TWIST2: variants seen among roughly 807,000 people sequenced by gnomAD.
TWIST2 encodes twist family bHLH transcription factor 2.
In TWIST2, 1 loss-of-function variant was observed where a neutral mutation model predicts 11.6. The ratio of observed to expected loss-of-function variants is 0.09; its 90% CI spans 0.03 to 0.41. TWIST2 has a LOEUF of 0.41. Ranked by LOEUF, TWIST2 falls within the 10% of genes least tolerant of loss-of-function variation. TWIST2 has a pLI of 0.98. For missense variants in TWIST2, 168 were observed against 226.4 expected (o/e 0.74, Z 1.66); for synonymous variants, 87 against 96.6 (o/e 0.90, Z 0.58).
intron 1 of TWIST2, among the ~76,000 whole-genome samples, chr2:238,905,842 TGTGTGTGTGTGTGC>T (rs1181114201): frequency 1.3e-4 from 14 of 108,954 alleles, no homozygotes; most frequent in East Asian, 2.2e-4. Flanking sequence ...TTGAAAAAAG[TGTGTGTGTGTGTGC>T]GTGTGTGTGC....
intron 1 of TWIST2, among the ~76,000 whole-genome samples, chr2:238,851,872 T>C (rs560647498): frequency 3.3e-5 from 5 of 152,366 alleles, no homozygotes; most frequent in African/African-American, 1.2e-4. Flanking sequence ...TTTGACCTGT[T>C]AATGTGGGTC....
chr2:238,868,242 C>T (rs1359625737), intron 1 of TWIST2, among the ~76,000 whole-genome samples: 2 of 152,172 alleles, frequency 1.3e-5, no homozygotes, highest in African/African-American at 4.8e-5. Context: ...TCGTCTAGTA[C>T]AGCCCCTGGG....
At chr2:238,895,057 G>A (rs1264400219) in intron 1 of TWIST2, among the ~76,000 whole-genome samples, 5 of 152,198 alleles carry the variant, frequency 3.3e-5, no homozygotes, top group Non-Finnish European at 7.3e-5. Context: ...CAGAGCGCCC[G>A]ACACCGGCAG....
At position 238,867,409 on chromosome 2, in the gene TWIST2, A is replaced by ACACACACACACACACACACACACACACC. The variant is rs1692562798; in HGVS notation, c.*35+18679_*35+18680insACACACACACACACACACACACACCCAC. ...CACACACACACACACACACACACAC[A>ACACACACACACACACACACACACACACC]CACTCCTCAGTAAAATACCCAGTTC... On this transcript the variant is annotated intron_variant, in intron 1 of 1. Transcript: ENST00000612363. The surrounding 1 kb of genome is among the most constrained non-coding windows in gnomAD (Gnocchi z 4.8). Among the ~76,000 whole-genome samples the ACACACACACACACACACACACACACACC allele has an allele frequency of 6.7e-6, 1 of 149,238 alleles. No individual in the cohort carries two copies. Among genetic ancestry groups the ACACACACACACACACACACACACACACC allele is most frequent in the Non-Finnish European group, 1.5e-5 (1 of 66,908 alleles).
At position 238,896,508 on chromosome 2, in the gene TWIST2, A is replaced by G. The variant is rs1454329315; in HGVS notation, c.*36-13334A>G. Reference sequence around the variant, plus strand: ...GTGGGGTGGGGTGTGACTTATCCCAAGTCACCAGCTGGCTCCCTAATATCA... The same window carrying G: ...GTGGGGTGGGGTGTGACTTATCCCAGGTCACCAGCTGGCTCCCTAATATCA... On this transcript the variant is annotated intron_variant, in intron 1 of 1. Coordinates refer to ENST00000612363, the MANE Select transcript of TWIST2 (RefSeq NM_001271893.4). Among the ~76,000 whole-genome samples, 314 of 152,238 alleles carry G rather than the reference A, an allele frequency of 2.1e-3. 4 individuals carry two copies. Among genetic ancestry groups the G allele is most frequent in the Non-Finnish European group, 3.4e-4 (23 of 67,998 alleles).
chr2:238,881,163 TTA>T (rs1323122909), intron 1 of TWIST2, among the ~76,000 whole-genome samples: 4 of 113,044 alleles, frequency 3.5e-5, no homozygotes, highest in African/African-American at 1.5e-4. Flanking sequence ...AGTATTAGTG[TTA>T]TGTTAGTATT....
chr2:238,902,763 G>A (rs1395139129), intron 1 of TWIST2, among the ~76,000 whole-genome samples: 33 of 143,602 alleles, frequency 2.3e-4, no homozygotes, highest in Admixed American at 6.9e-4. Flanking sequence ...GGGTATGTGC[G>A]TGATGTGAGG....
At chr2:238,879,117 G>A (rs1200473580) in intron 1 of TWIST2, among the ~76,000 whole-genome samples, 5 of 152,236 alleles carry the variant, frequency 3.3e-5, no homozygotes, top group South Asian at 4.1e-4. Flanking sequence ...CGTCCTGGGC[G>A]GACACACAGC....
rs554257687 is a variant in TWIST2 at position 238,854,962 on chromosome 2, T to C, written c.*35+6229T>C. On this transcript the variant is annotated intron_variant, in intron 1 of 1. Transcript: ENST00000612363. ...TTTCCTTTCCTTCATCTCTGCTCTT[T>C]GAGTGGTTCGTGTGGCCGGTGCTCA... 2.7e-4 allele frequency among the ~76,000 whole-genome samples: 41 copies of C among 152,360 alleles called. 1 individual carries two copies. Among genetic ancestry groups the C allele is most frequent in the Admixed American group, 1.5e-3 (23 of 15,310 alleles).
chr2:238,850,193 T>TA (rs2106346930), intron 1 of TWIST2, among the ~76,000 whole-genome samples: 1 of 152,348 alleles, frequency 6.6e-6, no homozygotes, highest in East Asian at 1.9e-4. Context: ...GTATAGTTTT[T>TA]AAAAAATAAT....
chr2:238,902,989 T>TGTGGGGTGTGTGCTGTG (rs1693294347), intron 1 of TWIST2, among the ~76,000 whole-genome samples: 1 of 31,756 alleles, frequency 3.1e-5, no homozygotes, highest in Non-Finnish European at 5.1e-5. Context: ...GGGTGTGTGA[T>TGTGGGGTGTGTGCTGTG]GGGTATGTGC....
rs1693431894 is a variant in TWIST2, at chr2:238,910,301, C to G, written c.*495C>G. 1 of 152,130 alleles carries G rather than the reference C, an allele frequency of 6.6e-6. No individual in the cohort carries two copies. Among genetic ancestry groups the G allele is most frequent in the African/African-American group, 2.4e-5 (1 of 41,406 alleles). 9.4% of individuals were successfully genotyped at this position (152,130 alleles called of 1,614,324 possible). ...GAAGAGGACCCCCGAGTTCCTTCCCCTCCCCCGAGCCTCTGCATGATTGTT... is the reference window on the plus strand; with the variant it reads ...GAAGAGGACCCCCGAGTTCCTTCCCGTCCCCCGAGCCTCTGCATGATTGTT... On this transcript the variant is annotated 3_prime_UTR_variant, in exon 2 of 2. Coordinates refer to ENST00000612363, the MANE Select transcript of TWIST2 (RefSeq NM_001271893.4).
intron 1 of TWIST2, among the ~76,000 whole-genome samples, chr2:238,891,674 G>A (rs1693136401): frequency 6.6e-6 from 1 of 152,202 alleles, no homozygotes; most frequent in Non-Finnish European, 1.5e-5. Flanking sequence ...AAAGCGAGAA[G>A]GTTCGAGGGT....
At chr2:238,872,589 A>G (rs1251581646) in intron 1 of TWIST2, among the ~76,000 whole-genome samples, 1 of 152,206 alleles carries the variant, frequency 6.6e-6, no homozygotes. Context: ...AATTTGATAC[A>G]AATATGAGTC....
chr2:238,893,879 G>A (rs1361376088), intron 1 of TWIST2, among the ~76,000 whole-genome samples: 1 of 152,114 alleles, frequency 6.6e-6, no homozygotes. Context: ...TGACCTTTAC[G>A]ACGCGCCGTC....
chr2:238,883,186 T>C (rs921819312), intron 1 of TWIST2, among the ~76,000 whole-genome samples: 5 of 152,144 alleles, frequency 3.3e-5, no homozygotes, highest in African/African-American at 1.2e-4. Context: ...ACAGCCGCGG[T>C]GTTTATGTGA....
chr2:238,879,540 C>T (rs1415719274), intron 1 of TWIST2, among the ~76,000 whole-genome samples: 1 of 152,198 alleles, frequency 6.6e-6, no homozygotes. Context: ...CTAAAATGCC[C>T]CTTCCTTGCT....
intron 1 of TWIST2, among the ~76,000 whole-genome samples, chr2:238,860,551 G>A (rs543771035): frequency 1.8e-4 from 27 of 152,364 alleles, no homozygotes; most frequent in Non-Finnish European, 2.8e-4. Context: ...CTCCAGGATT[G>A]TTTGAATTTT....
At chr2:238,880,086 G>T (rs899391742) in intron 1 of TWIST2, among the ~76,000 whole-genome samples, 1 of 152,090 alleles carries the variant, frequency 6.6e-6, no homozygotes, top group African/African-American at 2.4e-5. Flanking sequence ...TGTTAGTTTT[G>T]ATATTAGTGT....
Sources: gnomAD v4.1 joint callset for allele counts (sites outside exome capture counted in the v4.1 genomes callset) on GRCh38, gnomAD v4.1.1 for gene constraint, Gnocchi (gnomAD v3.1) non-coding constraint, MANE v1.5 for transcripts, NCBI Gene and HGNC (gene_info 2026-07-23, HGNC 2026-07-21) for gene names.